COL1A1: variants seen among roughly 807,000 people sequenced by gnomAD.
The protein encoded by COL1A1 is collagen alpha-1(I) chain.
A neutral mutation model predicts 195.7 loss-of-function variants in COL1A1; 21 were observed. That is an observed-to-expected ratio of 0.11 (90% CI 0.08 to 0.15). The LOEUF (loss-of-function observed/expected upper bound fraction) is 0.15. Ranked by LOEUF, COL1A1 falls within the 10% of genes least tolerant of loss-of-function variation. The pLI, the probability that COL1A1 is intolerant of heterozygous loss-of-function variation, is 1.00. For missense variants in COL1A1, 1,365 were observed against 2,051.0 expected, an observed-to-expected ratio of 0.67 and a Z score of 6.46; for synonymous variants, 749 against 747.3, an observed-to-expected ratio of 1.00 and a Z score of -0.04.
intron 5 of COL1A1, 130 bp downstream of exon 5, chr17:50,199,096 G>T: frequency 9.2e-7 from 1 of 1,085,596 alleles, no homozygotes; most frequent in Non-Finnish European, 1.3e-6. Flanking sequence ...AAGGGTATGT[G>T]AGAGTTTCCT....
chr17:50,188,783 C>A lies in COL1A1; in HGVS notation c.3058G>T (p.Ala1020Ser). The A allele has an allele frequency of 6.2e-7, 1 of 1,614,070 alleles. No individual in the cohort carries two copies. Among genetic ancestry groups the A allele is most frequent in the Non-Finnish European group, 8.5e-7 (1 of 1,180,000 alleles). The change falls in exon 42 of 51, where the codon GCC becomes TCC. Residue 1020 changes from alanine to serine, a missense_variant. By Grantham distance (99) the Ala-to-Ser change is moderately conservative. Transcript: ENST00000225964. The surrounding 1 kb of genome is among the most constrained non-coding windows in gnomAD (Gnocchi z 5.6). ...CCGTCTCGTCCAGGGGAACCTTCGG[C>A]ACCAGGAGCCCCCTGCAGAGAGAGA... is the stretch of plus-strand genomic sequence containing the variant. ...GESGREGAPG[A>S]EGSPGRDGSP...
chr17:50,194,017 G>T lies in COL1A1; in HGVS notation c.1693C>A (p.Pro565Thr), dbSNP rs750241688. 6.2e-7 allele frequency: 1 copy of T among 1,614,140 alleles called. No individual in the cohort carries two copies. The highest frequency in any genetic ancestry group is 8.5e-7 in the Non-Finnish European group (1 of 1,180,032). ...PPGPAGQDGR[P>T]GPPGPPGARG... is the part of the protein sequence containing the mutation. The stretch of plus-strand genomic sequence containing the variant: ...GCACCAGGTGGGCCTGGGGGTCCGG[G>T]GCGACCATCTTGACCGGCGGGACCC... The change falls in exon 25 of 51, where the codon CCC (proline) becomes ACC (threonine). Residue 565 changes from proline (P) to threonine (T), a missense_variant. Pro to Thr is a conservative substitution (Grantham distance 38, BLOSUM62 -1). This residue lies in a region of COL1A1 where 671 missense variants were observed against 1,099.9 expected (regional missense o/e 0.61). Coordinates refer to ENST00000225964, the MANE Select transcript of COL1A1 (RefSeq NM_000088.4). This position sits in a 1 kb window ranked among gnomAD's most constrained non-coding sequence, Gnocchi z 6.8.
Position 50,192,030 on chromosome 17 carries a change from G to C in COL1A1, c.1984-6C>G, listed in dbSNP as rs373873548. 44 of 1,612,004 alleles carry C rather than the reference G, an allele frequency of 2.7e-5. 1 individual carries two copies. Among genetic ancestry groups the C allele is most frequent in the African/African-American group, 5.3e-5 (4 of 74,884 alleles). On this transcript the variant is annotated splice_polypyrimidine_tract_variant and splice_region_variant and intron_variant, in intron 29 of 50. Coordinates refer to ENST00000225964, the MANE Select transcript of COL1A1 (RefSeq NM_000088.4). The stretch of plus-strand genomic sequence containing the variant: ...CCAAGGTCTCCAGGAACACCCTGAG[G>C]GGGAGGGAGAGAGGAACAGACAGTG...
rs1846111513 is a variant in COL1A1, at chr17:50,195,326, G to A, written c.1205C>T (p.Ala402Val). 1.9e-6 allele frequency: 3 copies of A among 1,613,946 alleles called. No homozygotes were observed. Among genetic ancestry groups the A allele is most frequent in the Non-Finnish European group, 8.5e-7 (1 of 1,179,944 alleles). ...GCCAGGAGCACCAGCAATACCAGGA[G>A]CACCCTGTGGGAGGCAGACAGCCAG... Reference protein sequence around the residue: ...GQPGAKGANGAPGIAGAPGFP... With the variant: ...GQPGAKGANGVPGIAGAPGFP... The change falls in exon 19 of 51, where the codon GCT (alanine) becomes GTT (valine). Residue 402 changes from alanine to valine, a missense_variant. Ala to Val is a moderately conservative substitution (Grantham distance 64). This residue lies in a region of COL1A1 where 226 missense variants were observed against 372.9 expected (regional missense o/e 0.61). Transcript: ENST00000225964. The surrounding 1 kb of genome is among the most constrained non-coding windows in gnomAD (Gnocchi z 4.3).
In COL1A1 at chr17:50,195,482, T is replaced by C. The variant is rs954564659; in HGVS notation, c.1156-4A>G. 13 of 1,613,876 alleles carry C rather than the reference T, an allele frequency of 8.1e-6. No individual in the cohort carries two copies. The highest frequency in any genetic ancestry group is 1.1e-5 in the Non-Finnish European group (13 of 1,179,950). ...GTCCATCAGCACCAGGGTTTCCCTG[T>C]GGCACAGAGAAAGGAGTGTCAGCAA... On this transcript the variant is annotated splice_polypyrimidine_tract_variant and splice_region_variant and intron_variant, in intron 17 of 50. Transcript: ENST00000225964. The surrounding 1 kb of genome is among the most constrained non-coding windows in gnomAD (Gnocchi z 4.3).
rs1906865517 is a variant in COL1A1 at position 50,189,409 on chromosome 17, C to T, written c.2797G>A (p.Glu933Lys). The change falls in exon 39 of 51, where the codon GAG becomes AAG. Residue 933 changes from glutamate to lysine, a missense_variant. Coordinates refer to ENST00000225964, the MANE Select transcript of COL1A1 (RefSeq NM_000088.4). The surrounding 1 kb of genome is among the most constrained non-coding windows in gnomAD (Gnocchi z 5.5). ...CCATCAGCACCAGGGGATCCTTTCTCGCCAGCAGGGCCAGGGGGACCAGGG... is the reference window on the plus strand; with the variant it reads ...CCATCAGCACCAGGGGATCCTTTCTTGCCAGCAGGGCCAGGGGGACCAGGG... ...GPPGPPGPAG[E>K]KGSPGADGPA... 1.2e-6 allele frequency: 2 copies of T among 1,612,858 alleles called. No homozygotes were observed. Among genetic ancestry groups the T allele is most frequent in the Non-Finnish European group, 1.7e-6 (2 of 1,179,626 alleles).
In COL1A1 at chr17:50,190,619, T is replaced by TCAGGGTCAGGGCCTCCCCC; in HGVS notation, c.2344-24_2344-23insGGGGGAGGCCCTGACCCTG. The TCAGGGTCAGGGCCTCCCCC allele has an allele frequency of 6.2e-7, 1 of 1,611,880 alleles. No homozygotes were observed. Among genetic ancestry groups the TCAGGGTCAGGGCCTCCCCC allele is most frequent in the South Asian group, 1.1e-5 (1 of 90,942 alleles). ...ACCCTGAGAGCAAGGGACAAGAGGC[T>TCAGGGTCAGGGCCTCCCCC]CAGGGTCAGGGCCTCCCCTGAATAC... On this transcript the variant is annotated intron_variant, in intron 33 of 50. Coordinates refer to ENST00000225964, the MANE Select transcript of COL1A1 (RefSeq NM_000088.4). The surrounding 1 kb of genome is among the most constrained non-coding windows in gnomAD (Gnocchi z 4.7).
chr17:50,199,703 CAGG>C (rs1907907122), intron 2 of COL1A1, 47 bp downstream of exon 2: 1 of 808 alleles, frequency 1.2e-3, no homozygotes, highest in African/African-American at 0.016. Context: ...GCCCCAGCCC[CAGG>C]CCCCAGGCCC....
intron 13 of COL1A1, 28 bp from the exon 14 acceptor site, chr17:50,196,395 T>C (rs1907595073): frequency 6.2e-7 from 1 of 1,614,036 alleles, no homozygotes. Context: ...AGAAGTCAGA[T>C]GAGATGGGAG....
chr17:50,190,420 G>A lies in COL1A1; in HGVS notation c.2398-40C>T. ...GTCAGATTGGAGAGATGCGCTGACA[G>A]GAGGGAAGGCGGGGATGCGGTGAGG... is the stretch of plus-strand genomic sequence containing the variant. On this transcript the variant is annotated intron_variant, in intron 34 of 50. Transcript: ENST00000225964. This position sits in a 1 kb window ranked among gnomAD's most constrained non-coding sequence, Gnocchi z 4.7. 1 of 1,592,982 alleles carries A rather than the reference G, an allele frequency of 6.3e-7. No homozygotes were observed. The highest frequency in any genetic ancestry group is 8.6e-7 in the Non-Finnish European group (1 of 1,160,808).
chr17:50,197,189 A>G lies in COL1A1; in HGVS notation c.741T>C (p.Pro247=), dbSNP rs1024691687. ...ACAGCCCCCTGCTCACCTGAGGCCCAGGAGGCCCACGCTCACCAGGACGAC... is the reference window on the plus strand; with the variant it reads ...ACAGCCCCCTGCTCACCTGAGGCCCGGGAGGCCCACGCTCACCAGGACGAC... ...KPGRPGERGP[P]GPQGARGLPG... The change falls in exon 10 of 51, where the codon CCT becomes CCC. Residue 247 remains proline (P), a synonymous_variant. Coordinates refer to ENST00000225964, the MANE Select transcript of COL1A1 (RefSeq NM_000088.4). 1 of 1,613,616 alleles carries G rather than the reference A, an allele frequency of 6.2e-7. No homozygotes were observed. Among genetic ancestry groups the G allele is most frequent in the African/African-American group, 1.3e-5 (1 of 74,904 alleles).
rs763676384 is a variant in COL1A1, at chr17:50,186,018, G to A, written c.4008C>T (p.Phe1336=). 9 of 1,612,910 alleles carry A rather than the reference G, an allele frequency of 5.6e-6. No individual in the cohort carries two copies. In the East Asian group the frequency reaches 6.7e-5, roughly 12 times the overall value. The part of the protein sequence containing the change: ...FGESMTDGFQ[F]EYGGQGSDPA... Reference sequence around the variant, plus strand: ...GGTCGGAGCCCTGGCCGCCATACTCGAACTGCAGGGGAGGGGAGAGAGGGA... The same window carrying A: ...GGTCGGAGCCCTGGCCGCCATACTCAAACTGCAGGGGAGGGGAGAGAGGGA... The change falls in exon 50 of 51, where the codon TTC becomes TTT. Residue 1336 remains phenylalanine (F), a splice_region_variant and synonymous_variant. Transcript: ENST00000225964. This position sits in a 1 kb window ranked among gnomAD's most constrained non-coding sequence, Gnocchi z 5.3.
chr17:50,195,152 C>A lies in COL1A1; in HGVS notation c.1300-52G>T, dbSNP rs369676301. Reference sequence around the variant, plus strand: ...TGAGAGTCGGGGGCGCTCAGTTGGCCTGCGTCTTCCTGCTCCCCAGATGAG... The same window carrying A: ...TGAGAGTCGGGGGCGCTCAGTTGGCATGCGTCTTCCTGCTCCCCAGATGAG... On this transcript the variant is annotated intron_variant, in intron 19 of 50. Coordinates refer to ENST00000225964, the MANE Select transcript of COL1A1 (RefSeq NM_000088.4). This position sits in a 1 kb window ranked among gnomAD's most constrained non-coding sequence, Gnocchi z 4.3. The A allele has an allele frequency of 1.9e-6, 3 of 1,607,928 alleles. No individual in the cohort carries two copies. Among genetic ancestry groups the A allele is most frequent in the African/African-American group, 2.7e-5 (2 of 74,716 alleles).
In COL1A1 at chr17:50,186,574, A is replaced by G. The variant is rs1427967893; in HGVS notation, c.3814+66T>C. 3.1e-6 allele frequency: 5 copies of G among 1,613,636 alleles called. No homozygotes were observed. Among genetic ancestry groups the G allele is most frequent in the Non-Finnish European group, 4.2e-6 (5 of 1,179,844 alleles). On this transcript the variant is annotated intron_variant, in intron 48 of 50. Transcript: ENST00000225964. The surrounding 1 kb of genome is among the most constrained non-coding windows in gnomAD (Gnocchi z 5.3). The stretch of plus-strand genomic sequence containing the variant: ...AGCCAGCACCATATGGTAGGGGCAC[A>G]TATGGGCATGGGGACCCTGGCATGG...
At chr17:50,191,690 C>A in intron 31 of COL1A1, 98 bp downstream of exon 31, 1 of 1,377,866 alleles carries the variant, frequency 7.3e-7, no homozygotes, top group Non-Finnish European at 1.0e-6. Context: ...CACACCCTAT[C>A]TCCATGGCTT....
chr17:50,190,513 A>G lies in COL1A1; in HGVS notation c.2397+30T>C. On this transcript the variant is annotated intron_variant, in intron 34 of 50. Coordinates refer to ENST00000225964, the MANE Select transcript of COL1A1 (RefSeq NM_000088.4). This position sits in a 1 kb window ranked among gnomAD's most constrained non-coding sequence, Gnocchi z 4.7. ...GTGTGAAGGGAGGGAAGGGCCAAGT[A>G]TGGGGTCTTAACAGGTCTTCTGTAC... 6.2e-7 allele frequency: 1 copy of G among 1,612,902 alleles called. No homozygotes were observed. The highest frequency in any genetic ancestry group is 8.5e-7 in the Non-Finnish European group (1 of 1,179,274).
intron 6 of COL1A1, 67 bp downstream of exon 6, chr17:50,198,366 G>A (rs754112656): frequency 8.2e-5 from 129 of 1,572,994 alleles, no homozygotes; most frequent in Non-Finnish European, 1.0e-4. Flanking sequence ...TATACCAGCC[G>A]CCTATGCCCA....
chr17:50,196,455 C>A lies in COL1A1; in HGVS notation c.903+29G>T, dbSNP rs79768153. 1,864 of 1,614,168 alleles carry A rather than the reference C, an allele frequency of 1.2e-3. 10 individuals are homozygous for A. The African/African-American group carries it at 0.012, about 11-fold the overall frequency. ...ATCTTGCCCCTGCCTCCTGCCCCAT[C>A]CCTGCCCTCTGGAACTGGGCACACT... On this transcript the variant is annotated intron_variant, in intron 13 of 50. Transcript: ENST00000225964.
rs534369891 is a variant in COL1A1, at chr17:50,189,066, C to T, written c.2938-56G>A. The T allele has an allele frequency of 3.4e-5, 53 of 1,570,850 alleles. No homozygotes were observed. The highest frequency in any genetic ancestry group is 1.7e-4 in the Middle Eastern group (1 of 5,980). ...TAGGGTCTGGGAGGACCCTTGAGTC[C>T]GCTGGAGTCATCTCTACCAAATCTG... is the stretch of plus-strand genomic sequence containing the variant. On this transcript the variant is annotated intron_variant, in intron 40 of 50. Transcript: ENST00000225964. This position sits in a 1 kb window ranked among gnomAD's most constrained non-coding sequence, Gnocchi z 5.5.
Sources: allele counts gnomAD v4.1 joint callset, GRCh38; gene constraint gnomAD v4.1.1; regional missense constraint gnomAD v4.1.1; non-coding constraint Gnocchi (gnomAD v3.1); transcripts MANE v1.5; gene names NCBI Gene and HGNC (gene_info 2026-07-23, HGNC 2026-07-21).